The following OPCML variants were observed in gnomAD, a reference collection of about 807,000 sequenced individuals.
OPCML encodes the protein opioid-binding protein/cell adhesion molecule.
A neutral mutation model predicts 37.8 loss-of-function variants in OPCML; 13 were observed. The observed-to-expected ratio is 0.34, with a 90% CI of 0.22 to 0.55. OPCML has a LOEUF of 0.55. Among genes scored for constraint, OPCML ranks in the 20% least tolerant of loss-of-function variants. OPCML has a pLI of 0.91. For synonymous variants in OPCML, 176 were observed against 168.8 expected, an observed-to-expected ratio of 1.04 and a Z score of -0.33; for missense variants, 341 against 435.6, an observed-to-expected ratio of 0.78 and a Z score of 1.93.
intron 1 of OPCML, among the ~76,000 whole-genome samples, chr11:132,999,569 C>CGGG (rs1565390172): frequency 7.8e-5 from 11 of 141,364 alleles, no homozygotes; most frequent in African/African-American, 3.1e-4. Flanking sequence ...CAAATGGGGT[C>CGGG]GGGGGGGGAA....
intron 3 of OPCML, among the ~76,000 whole-genome samples, chr11:132,594,928 G>T (rs73041758): frequency 1.3e-5 from 2 of 152,128 alleles, no homozygotes; most frequent in Admixed American, 1.3e-4. Flanking sequence ...TCCCAACCCC[G>T]AGTTCAAGGC....
rs141176549 is a variant in OPCML at position 133,284,095 on chromosome 11, T to C, written c.61+248169A>G. 9.0e-3 allele frequency among the ~76,000 whole-genome samples: 1,369 copies of C among 152,292 alleles called. 24 individuals carry two copies. The highest frequency in any genetic ancestry group is 0.03 in the African/African-American group (1,246 of 41,560). On this transcript the variant is annotated intron_variant, in intron 1 of 7. Coordinates refer to ENST00000524381, the MANE Select transcript of OPCML (RefSeq NM_001012393.5). ...TCAATATATTGAGCCGTGTGGCCTT[T>C]TCCTGTTCTGAGAATATTTCATGTC... is the stretch of plus-strand genomic sequence containing the variant.
intron 2 of OPCML, among the ~76,000 whole-genome samples, chr11:132,795,567 C>T (rs1412414399): frequency 3.3e-5 from 5 of 152,212 alleles, no homozygotes; most frequent in African/African-American, 1.2e-4. Context: ...AGTCTCTGCA[C>T]TCCTACTCCC....
intron 1 of OPCML, among the ~76,000 whole-genome samples, chr11:132,994,275 C>A (rs1319275172): frequency 6.6e-6 from 1 of 152,208 alleles, no homozygotes; most frequent in Non-Finnish European, 1.5e-5. Context: ...ACGGCCGGAA[C>A]TCGGGCTATT....
intron 2 of OPCML, among the ~76,000 whole-genome samples, chr11:132,897,458 A>C (rs1251820215): frequency 6.6e-6 from 1 of 152,192 alleles, no homozygotes; most frequent in East Asian, 1.9e-4. Context: ...GGTACAAAGA[A>C]GTTACATGAA....
intron 1 of OPCML, among the ~76,000 whole-genome samples, chr11:132,947,168 G>T (rs1031676995): frequency 1.3e-5 from 2 of 152,170 alleles, no homozygotes; most frequent in African/African-American, 4.8e-5. Context: ...ACTCATAAAA[G>T]ATTGCTTGAG....
At chr11:133,303,129 A>C (rs1592182901) in intron 1 of OPCML, among the ~76,000 whole-genome samples, 1 of 152,184 alleles carries the variant, frequency 6.6e-6, no homozygotes, top group African/African-American at 2.4e-5. Context: ...TAAGTGAAAA[A>C]TATCTGGAAA....
intron 1 of OPCML, among the ~76,000 whole-genome samples, chr11:133,180,864 G>A (rs1331531854): frequency 1.3e-5 from 2 of 150,654 alleles, no homozygotes; most frequent in Non-Finnish European, 2.9e-5. Flanking sequence ...AAGTGGGGAT[G>A]AGGGAAAGTA....
Position 132,881,432 on chromosome 11 carries a change from G to A in OPCML, c.146+61494C>T, listed in dbSNP as rs115695510. On this transcript the variant is annotated intron_variant, in intron 2 of 7. Transcript: ENST00000524381. Reference sequence around the variant, plus strand: ...CCCACTGCAGCTGAAGGACCCTCAGGAGGAGCTGAGGAGCTGTGAGGCTGG... The same window carrying A: ...CCCACTGCAGCTGAAGGACCCTCAGAAGGAGCTGAGGAGCTGTGAGGCTGG... 7.7e-3 allele frequency among the ~76,000 whole-genome samples: 1,171 copies of A among 152,194 alleles called. 13 individuals carry two copies. Among genetic ancestry groups the A allele is most frequent in the African/African-American group, 0.027 (1,119 of 41,518 alleles).
intron 2 of OPCML, among the ~76,000 whole-genome samples, chr11:132,918,507 T>C (rs564580084): frequency 1.1e-4 from 16 of 152,336 alleles, no homozygotes; most frequent in African/African-American, 3.8e-4. Flanking sequence ...CACTTTACTG[T>C]CTGGGAAACA....
At chr11:132,984,676 A>T (rs983265575) in intron 1 of OPCML, among the ~76,000 whole-genome samples, 8 of 152,148 alleles carry the variant, frequency 5.3e-5, no homozygotes, top group Non-Finnish European at 7.4e-5. Context: ...CATCTTTCTT[A>T]GAACTCTAAC....
intron 2 of OPCML, among the ~76,000 whole-genome samples, chr11:132,826,909 G>C (rs1940381158): frequency 6.6e-6 from 1 of 152,148 alleles, no homozygotes; most frequent in Non-Finnish European, 1.5e-5. Context: ...AGGAGCCAGG[G>C]ATCCTAAGGA....
intron 1 of OPCML, among the ~76,000 whole-genome samples, chr11:133,058,244 T>G (rs536814621): frequency 1.3e-5 from 2 of 152,142 alleles, no homozygotes; most frequent in South Asian, 2.1e-4. Context: ...GCGTAAAGAC[T>G]TCAGGAAAGA....
rs1344425290 is a variant in OPCML, at chr11:132,479,341, A to T, written c.506-41982T>A. ...CGGGCTTAAAAAACGGATCACCAGG[A>T]TATTATATCCCACACGTGGCTCGGA... On this transcript the variant is annotated intron_variant, in intron 4 of 7. Coordinates refer to ENST00000524381, the MANE Select transcript of OPCML (RefSeq NM_001012393.5). Among the ~76,000 whole-genome samples the T allele has an allele frequency of 2.6e-5, 4 of 152,164 alleles. No homozygotes were observed. The East Asian group carries it at 7.7e-4, about 29-fold the overall frequency.
chr11:132,433,501 G>A (rs923659777), intron 7 of OPCML, among the ~76,000 whole-genome samples: 1 of 152,174 alleles, frequency 6.6e-6, no homozygotes, highest in Admixed American at 6.5e-5. Context: ...CATATATGCG[G>A]GAAGGAAGAC....
At chr11:132,711,210 T>C (rs1944251063) in intron 2 of OPCML, among the ~76,000 whole-genome samples, 1 of 152,232 alleles carries the variant, frequency 6.6e-6, no homozygotes, top group African/African-American at 2.4e-5. Flanking sequence ...ACTGCTTTTG[T>C]CTCTTGATGA....
chr11:133,306,671 A>G (rs1249703763), intron 1 of OPCML, among the ~76,000 whole-genome samples: 2 of 152,186 alleles, frequency 1.3e-5, no homozygotes, highest in African/African-American at 4.8e-5. Flanking sequence ...CAAGGGGGCA[A>G]TGTAGTCCAT....
chr11:132,943,151 C>A lies in OPCML; in HGVS notation c.62-141G>T, dbSNP rs1299685307. 1 of 1,602,574 alleles carries A rather than the reference C, an allele frequency of 6.2e-7. No individual in the cohort carries two copies. Among genetic ancestry groups the A allele is most frequent in the East Asian group, 2.2e-5 (1 of 44,552 alleles). On this transcript the variant is annotated intron_variant, in intron 1 of 7. Transcript: ENST00000524381. The surrounding 1 kb of genome is among the most constrained non-coding windows in gnomAD (Gnocchi z 4.3). ...GCCGCACAGTCCTGGTCCCCCGCCC[C>A]GCGCACCAGCGGGCTCGGGAAGCGG...
intron 3 of OPCML, among the ~76,000 whole-genome samples, chr11:132,652,921 C>T (rs1941505253): frequency 6.6e-6 from 1 of 152,116 alleles, no homozygotes; most frequent in Admixed American, 6.5e-5. Context: ...TGCTGAGTGC[C>T]TACTGTGCCT....
Sources: allele counts gnomAD v4.1 joint callset (sites outside exome capture counted in the v4.1 genomes callset), GRCh38; gene constraint gnomAD v4.1.1; non-coding constraint Gnocchi (gnomAD v3.1); transcripts MANE v1.5; gene names NCBI Gene and HGNC (gene_info 2026-07-23, HGNC 2026-07-21).